The following PRKN variants were observed in gnomAD, a reference collection of about 807,000 sequenced individuals.
PRKN encodes parkin RBR E3 ubiquitin protein ligase, also known as E3 ubiquitin-protein ligase parkin.
PRKN carries 56 observed loss-of-function variants against 59.5 expected under a neutral mutation model. The ratio of observed to expected loss-of-function variants is 0.94; its 90% confidence interval spans 0.76 to 1.18. The LOEUF is 1.18. Ranked by LOEUF, PRKN falls within the 50% of genes most tolerant of loss-of-function variation. The pLI, the probability that PRKN is intolerant of heterozygous loss-of-function variation, is 0.00. For missense variants in PRKN, 657 were observed against 596.4 expected (o/e 1.10, Z -1.06); for synonymous variants, 250 against 222.1 (o/e 1.13, Z -1.12).
chr6:162,605,603 C>T (rs1342861290), intron 1 of PRKN, among the ~76,000 whole-genome samples: 1 of 152,086 alleles, frequency 6.6e-6, no homozygotes, highest in Admixed American at 6.5e-5. Flanking sequence ...AAACCAATTA[C>T]CACAGGTAAA....
chr6:161,429,128 T>C lies in PRKN; in HGVS notation c.1084-42251A>G, dbSNP rs1788531127. ...GATTGTGCCTTGAGATATTCACCTT[T>C]CCTTCAGAGTGAATGCTCCTATCAC... On this transcript the variant is annotated intron_variant, in intron 9 of 11. Transcript: ENST00000366898. The surrounding 1 kb of genome is among the most constrained non-coding windows in gnomAD (Gnocchi z 4.2). Among the ~76,000 whole-genome samples the C allele has an allele frequency of 6.6e-6, 1 of 152,212 alleles. No individual in the cohort carries two copies. Among genetic ancestry groups the C allele is most frequent in the African/African-American group, 2.4e-5 (1 of 41,442 alleles).
At chr6:161,802,285 C>T (rs1397576183) in intron 6 of PRKN, among the ~76,000 whole-genome samples, 1 of 152,108 alleles carries the variant, frequency 6.6e-6, no homozygotes, top group Admixed American at 6.5e-5. Flanking sequence ...AATCCATCCT[C>T]TAAGCCTGCC....
At chr6:162,205,327 G>T (rs1784892903) in intron 3 of PRKN, among the ~76,000 whole-genome samples, 1 of 151,918 alleles carries the variant, frequency 6.6e-6, no homozygotes, top group South Asian at 2.1e-4. Flanking sequence ...TATTTGCTTG[G>T]GATTTTTTAG....
intron 9 of PRKN, among the ~76,000 whole-genome samples, chr6:161,433,100 T>G (rs1788725741): frequency 6.6e-6 from 1 of 152,240 alleles, no homozygotes; most frequent in Admixed American, 6.5e-5. Context: ...GACTATCATG[T>G]GATTTTGGCA....
At chr6:161,759,901 G>C (rs748061880) in intron 7 of PRKN, among the ~76,000 whole-genome samples, 50 of 152,044 alleles carry the variant, frequency 3.3e-4, no homozygotes, top group Non-Finnish European at 6.0e-4. Context: ...CATACTGATA[G>C]CTCACTGAGG....
chr6:162,448,339 C>G (rs762178154), intron 1 of PRKN, among the ~76,000 whole-genome samples: 1 of 152,146 alleles, frequency 6.6e-6, no homozygotes, highest in South Asian at 2.1e-4. Context: ...CCTGCGATTA[C>G]TACCCCATTT....
intron 7 of PRKN, among the ~76,000 whole-genome samples, chr6:161,711,804 T>G (rs1214014312): frequency 6.6e-6 from 1 of 152,218 alleles, no homozygotes; most frequent in African/African-American, 2.4e-5. Context: ...TCTCCCATGC[T>G]GGATGCCTTT....
intron 2 of PRKN, among the ~76,000 whole-genome samples, chr6:162,422,692 A>C (rs6937748): frequency 0.56 from 84,644 of 151,588 alleles, 24,712 homozygotes; most frequent in African/African-American, 0.72. Flanking sequence ...CGCCTGTAAT[A>C]ATAGCACTCT....
chr6:162,713,150 AAAC>A (rs902066582), intron 1 of PRKN, among the ~76,000 whole-genome samples: 1 of 152,236 alleles, frequency 6.6e-6, no homozygotes, highest in Non-Finnish European at 1.5e-5. Context: ...TCAGTCAAAT[AAAC>A]AAAAAACCTA....
At chr6:162,192,087 G>T (rs1784302930) in intron 4 of PRKN, among the ~76,000 whole-genome samples, 2 of 152,034 alleles carry the variant, frequency 1.3e-5, no homozygotes, top group African/African-American at 4.8e-5. Flanking sequence ...ATGCTTTGTA[G>T]GTACTTTAGG....
intron 4 of PRKN, among the ~76,000 whole-genome samples, chr6:162,107,176 G>A (rs540632739): frequency 5.9e-5 from 9 of 152,232 alleles, no homozygotes; most frequent in African/African-American, 2.2e-4. Flanking sequence ...AAAAATAAAA[G>A]GTTGAAGGCC....
chr6:162,400,807 T>C (rs995968979), intron 2 of PRKN, among the ~76,000 whole-genome samples: 1 of 152,192 alleles, frequency 6.6e-6, no homozygotes. Flanking sequence ...TTGAAGAGAC[T>C]GCATATCAGG....
chr6:161,494,386 T>C (rs1448737323), intron 9 of PRKN, among the ~76,000 whole-genome samples: 3 of 152,206 alleles, frequency 2.0e-5, no homozygotes, highest in Non-Finnish European at 2.9e-5. Flanking sequence ...CCACGTCAGC[T>C]GAGAAGCCTG....
chr6:162,264,718 A>G (rs1780050787), intron 2 of PRKN: 1 of 152,284 alleles, frequency 6.6e-6, no homozygotes, highest in South Asian at 2.1e-4. Flanking sequence ...TCTGACCTGA[A>G]GTGCTCCCCT....
At chr6:161,943,848 TCAGCCTGAGGAAG>T (rs149626014) in intron 6 of PRKN, among the ~76,000 whole-genome samples, 24,429 of 90,282 alleles carry the variant, frequency 0.27, 2,988 homozygotes, top group Middle Eastern at 0.42. Context: ...GCCTGAGGGA[TCAGCCTGAGGAAG>T]CAGCCTGAGG....
At chr6:162,641,088 G>A (rs1232748399) in intron 1 of PRKN, among the ~76,000 whole-genome samples, 1 of 151,930 alleles carries the variant, frequency 6.6e-6, no homozygotes, top group Non-Finnish European at 1.5e-5. Flanking sequence ...CTCAAAATGT[G>A]TACACTCTAT....
chr6:161,882,530 C>T (rs905809990), intron 6 of PRKN, among the ~76,000 whole-genome samples: 4 of 152,186 alleles, frequency 2.6e-5, no homozygotes, highest in African/African-American at 9.6e-5. Context: ...TCAATTATCC[C>T]AGTTTTGGGG....
At chr6:161,646,489 G>A (rs1783954457) in intron 7 of PRKN, among the ~76,000 whole-genome samples, 1 of 125,782 alleles carries the variant, frequency 8.0e-6, no homozygotes. Flanking sequence ...GCGTGTGCAT[G>A]CGTGGTGGAG....
chr6:162,032,015 G>A (rs955371691), intron 5 of PRKN, among the ~76,000 whole-genome samples: 7 of 152,072 alleles, frequency 4.6e-5, no homozygotes, highest in Non-Finnish European at 7.3e-5. Flanking sequence ...TACACCCTCT[G>A]GTTGCCTTTG....
Sources: allele counts gnomAD v4.1 joint callset (sites outside exome capture counted in the v4.1 genomes callset), GRCh38; gene constraint gnomAD v4.1.1; non-coding constraint Gnocchi (gnomAD v3.1); transcripts MANE v1.5; gene names NCBI Gene and HGNC (gene_info 2026-07-23, HGNC 2026-07-21).